Variants in PTPRB observed in about 807,000 individuals in gnomAD.
PTPRB encodes protein tyrosine phosphatase receptor type B.
Under a neutral mutation model 238.1 loss-of-function variants are expected in PTPRB, and 97 were observed. The ratio of observed to expected loss-of-function variants is 0.41; its 90% CI spans 0.35 to 0.48. The LOEUF is 0.48. Among genes scored for constraint, PTPRB ranks in the 20% least tolerant of loss-of-function variants. PTPRB has a pLI of 0.30. For synonymous variants in PTPRB, 970 were observed against 995.4 expected, an observed-to-expected ratio of 0.97 and a Z score of 0.48; for missense variants, 2,292 against 2,681.9, an observed-to-expected ratio of 0.85 and a Z score of 3.21.
At chr12:70,539,524 A>G (rs187915528) in intron 26 of PTPRB, 101 bp downstream of exon 26, 2 of 938,996 alleles carry the variant, frequency 2.1e-6, no homozygotes, top group Admixed American at 4.5e-5. Flanking sequence ...GCAGCCTCCT[A>G]ACTTCTGAGC....
chr12:70,538,118 C>G (rs778140130), intron 28 of PTPRB, 37 bp downstream of exon 28: 1 of 1,560,844 alleles, frequency 6.4e-7, no homozygotes. Flanking sequence ...CCCACCAAAG[C>G]CTCATCCTGA....
rs1882586659 is a variant in PTPRB, at chr12:70,592,473, C to A, written c.1589G>T (p.Arg530Ile). ...SLTSLKVKWQ[R>I]PPGNVDSYNI... ...GTAAGAATCCACATTTCCAGGAGGT[C>A]TTTGCCATTTGACTTTTAGAGAGGT... The change falls in exon 7 of 34, where the codon AGA becomes ATA. Residue 530 changes from arginine to isoleucine, a missense_variant. Around this residue, in one of 4 missense-constraint regions of PTPRB, gnomAD observed 1,205 missense variants for 1,287.8 expected, o/e 0.94. Transcript: ENST00000334414. 4.3e-6 allele frequency: 7 copies of A among 1,613,728 alleles called. No individual in the cohort carries two copies. In the Middle Eastern group the frequency reaches 4.9e-4, roughly 114 times the overall value.
Position 70,569,657 on chromosome 12 carries a change from C to T in PTPRB, c.3634+18G>A, listed in dbSNP as rs1338977496. ...TGAGGCATTCTACAATCTAGCCCTT[C>T]TCCAGGTGGATGCTTACCTGTCCGC... is the stretch of plus-strand genomic sequence containing the variant. On this transcript the variant is annotated intron_variant, in intron 14 of 33. Transcript: ENST00000334414. 6.2e-7 allele frequency: 1 copy of T among 1,613,104 alleles called. No homozygotes were observed. Among genetic ancestry groups the T allele is most frequent in the Non-Finnish European group, 8.5e-7 (1 of 1,179,662 alleles).
At chr12:70,529,080 A>G (rs1408341848) in intron 32 of PTPRB, among the ~76,000 whole-genome samples, 1 of 152,130 alleles carries the variant, frequency 6.6e-6, no homozygotes, top group Admixed American at 6.6e-5. Context: ...GAAGACTGAG[A>G]GAAAGGGTGG....
rs1883893193 is a variant in PTPRB, at chr12:70,605,747, G to A, written c.979+3322C>T. On this transcript the variant is annotated intron_variant, in intron 4 of 33. Transcript: ENST00000334414. ...TTAATGTGAATTTTTGATTTTTAAT[G>A]CTGGTGAAATGATCTGGATGTTTTC... Among the ~76,000 whole-genome samples, 3 of 152,126 alleles carry A rather than the reference G, an allele frequency of 2.0e-5. No homozygotes were observed. In the South Asian group the frequency reaches 6.2e-4, roughly 31 times the overall value.
intron 20 of PTPRB, among the ~76,000 whole-genome samples, chr12:70,554,909 C>A (rs922999723): frequency 1.3e-5 from 2 of 152,140 alleles, no homozygotes; most frequent in African/African-American, 4.8e-5. Context: ...TTGTTATTAT[C>A]GTTGTGGTTG....
intron 32 of PTPRB, among the ~76,000 whole-genome samples, chr12:70,529,827 A>G (rs1872915782): frequency 6.6e-6 from 1 of 152,168 alleles, no homozygotes; most frequent in Non-Finnish European, 1.5e-5. Context: ...GCGCTGAAAG[A>G]GAGACAGACA....
intron 18 of PTPRB, 101 bp downstream of exon 18, chr12:70,559,242 T>A (rs993796240): frequency 1.6e-6 from 2 of 1,273,002 alleles, no homozygotes; most frequent in African/African-American, 1.5e-5. Flanking sequence ...ACCAATCCCA[T>A]GTAAAAATAT....
intron 15 of PTPRB, among the ~76,000 whole-genome samples, chr12:70,563,682 G>A (rs906851330): frequency 3.3e-5 from 5 of 151,974 alleles, no homozygotes; most frequent in African/African-American, 9.7e-5. Flanking sequence ...AATACCTATG[G>A]TCCCTTCTCT....
intron 22 of PTPRB, chr12:70,541,550 C>T (rs1287871818): frequency 6.6e-6 from 1 of 152,124 alleles, no homozygotes; most frequent in Non-Finnish European, 1.5e-5. Context: ...GCAAATGTCA[C>T]CACAATCAAT....
At position 70,587,196 on chromosome 12, in the gene PTPRB, G is replaced by A. The variant is rs528893842; in HGVS notation, c.2122C>T (p.Pro708Ser). The A allele has an allele frequency of 1.2e-6, 2 of 1,613,594 alleles. No individual in the cohort carries two copies. The highest frequency in any genetic ancestry group is 1.7e-6 in the Non-Finnish European group (2 of 1,179,592). ...ETSLSIMWQT[P>S]VAEWEKYIIS... ...ATGTATTTCTCCCATTCTGCTACAG[G>A]GGTCTGCCACATGATACTCAGTGAG... The change falls in exon 9 of 34, where the codon CCT (proline) becomes TCT (serine). Residue 708 changes from proline to serine, a missense_variant. Transcript: ENST00000334414.
intron 5 of PTPRB, among the ~76,000 whole-genome samples, chr12:70,595,386 C>T (rs529972012): frequency 1.5e-3 from 227 of 152,182 alleles, no homozygotes; most frequent in Non-Finnish European, 1.8e-3. Context: ...CACCATGGCA[C>T]GTGTATACCT....
At position 70,576,604 on chromosome 12, in the gene PTPRB, G is replaced by A. The variant is rs1267036118; in HGVS notation, c.2620C>T (p.Arg874Cys). The A allele has an allele frequency of 2.7e-6, 4 of 1,495,912 alleles. No individual in the cohort carries two copies. The highest frequency in any genetic ancestry group is 5.5e-5 in the East Asian group (2 of 36,390). The allele number at this position is 1,495,912 out of a possible 1,614,324, so 92.7% of individuals were successfully genotyped here. ...CAGGAAACGCTGAGGTAGTCATTAC[G>A]ACCGGAATTGTTCACCGTTACTCCA... ...VSGVTVNNSGRNDYLSVSWLL... is the reference protein window; with the variant it reads ...VSGVTVNNSGCNDYLSVSWLL... The change falls in exon 11 of 34, where the codon CGT becomes TGT. Residue 874 changes from arginine (R) to cysteine (C), a missense_variant. This residue lies in a region of PTPRB where 1,205 missense variants were observed against 1,287.8 expected (regional missense o/e 0.94). Transcript: ENST00000334414.
intron 11 of PTPRB, among the ~76,000 whole-genome samples, chr12:70,573,505 C>CTTTTTTTTTTTTT (rs937307862): frequency 1.1e-4 from 10 of 90,824 alleles, no homozygotes; most frequent in African/African-American, 2.4e-4. Context: ...CTTTTCTTTT[C>CTTTTTTTTTTTTT]TTTTTTTTTT....
chr12:70,579,896 T>C (rs1014110108), intron 10 of PTPRB, among the ~76,000 whole-genome samples: 2 of 152,110 alleles, frequency 1.3e-5, no homozygotes, highest in East Asian at 1.9e-4. Flanking sequence ...TGGAAAGAGA[T>C]GCATCTATGA....
At chr12:70,597,800 A>G (rs1883160710) in intron 4 of PTPRB, among the ~76,000 whole-genome samples, 1 of 152,208 alleles carries the variant, frequency 6.6e-6, no homozygotes, top group Admixed American at 6.5e-5. Flanking sequence ...AAGAAATAAG[A>G]TAGCCTTACT....
chr12:70,609,247 G>A lies in PTPRB; in HGVS notation c.801C>T (p.Gly267=), dbSNP rs1429095813. The A allele has an allele frequency of 6.8e-6, 11 of 1,613,944 alleles. No individual in the cohort carries two copies. Among genetic ancestry groups the A allele is most frequent in the South Asian group, 3.3e-5 (3 of 91,096 alleles). Residue 267 remains glycine, a synonymous_variant, in exon 4 of 34, where the codon GGC becomes GGT. Coordinates refer to ENST00000334414, the MANE Select transcript of PTPRB (RefSeq NM_001109754.4). ...HSVSIQWRIL[G]SPCNFSLIYS... Reference sequence around the variant, plus strand: ...AGATGAGGCTAAAGTTACAGGGTGAGCCCAAAATTCTCCACTGGATAGACA... The same window carrying A: ...AGATGAGGCTAAAGTTACAGGGTGAACCCAAAATTCTCCACTGGATAGACA...
chr12:70,625,241 T>C (rs1008787169), intron 2 of PTPRB, among the ~76,000 whole-genome samples: 1 of 152,138 alleles, frequency 6.6e-6, no homozygotes. Context: ...CTTCCAAGTT[T>C]TGTCAAATTT....
intron 32 of PTPRB, among the ~76,000 whole-genome samples, chr12:70,529,813 C>G (rs975473492): frequency 6.6e-6 from 1 of 152,092 alleles, no homozygotes; most frequent in Non-Finnish European, 1.5e-5. Flanking sequence ...TGTCAGTTTC[C>G]TCAGCGCTGA....
Sources: gnomAD v4.1 joint callset for allele counts (sites outside exome capture counted in the v4.1 genomes callset) on GRCh38, gnomAD v4.1.1 for gene constraint, gnomAD v4.1.1 regional missense constraint, MANE v1.5 for transcripts, NCBI Gene and HGNC (gene_info 2026-07-23, HGNC 2026-07-21) for gene names.